The following SORCS1 variants were observed in gnomAD, a reference collection of about 807,000 sequenced individuals.
SORCS1 encodes VPS10 domain-containing receptor SorCS1.
A neutral mutation model predicts 146.1 loss-of-function variants in SORCS1; 60 were observed. That is an observed-to-expected ratio of 0.41 (90% CI 0.33 to 0.51). The LOEUF is 0.51. Among genes scored for constraint, SORCS1 ranks in the 20% least tolerant of loss-of-function variants. The pLI, the probability that SORCS1 is intolerant of heterozygous loss-of-function variation, is 0.21. For missense variants in SORCS1, 1,352 were observed against 1,487.6 expected, an observed-to-expected ratio of 0.91 and a Z score of 1.50; for synonymous variants, 637 against 584.0, an observed-to-expected ratio of 1.09 and a Z score of -1.31.
intron 20 of SORCS1, among the ~76,000 whole-genome samples, chr10:106,619,646 T>A (rs1304190797): frequency 6.6e-6 from 1 of 152,214 alleles, no homozygotes; most frequent in African/African-American, 2.4e-5. Flanking sequence ...CAGCCTGGTG[T>A]AGAGGAAAGA....
At chr10:106,842,871 C>T (rs1256676055) in intron 2 of SORCS1, among the ~76,000 whole-genome samples, 1 of 152,118 alleles carries the variant, frequency 6.6e-6, no homozygotes, top group East Asian at 1.9e-4. Flanking sequence ...CCTCAGCCTC[C>T]CAAAGTGCTG....
rs938736519 is a variant in SORCS1 at position 106,624,202 on chromosome 10, G to A, written c.2663-3641C>T. 2.0e-5 allele frequency among the ~76,000 whole-genome samples: 3 copies of A among 152,126 alleles called. No homozygotes were observed. The East Asian group carries it at 5.8e-4, about 29-fold the overall frequency. On this transcript the variant is annotated intron_variant, in intron 19 of 25. Coordinates refer to ENST00000263054, the MANE Select transcript of SORCS1 (RefSeq NM_052918.5). ...AGCAACCTGAATAAAGTGAAAGACA[G>A]CACCAAGTATCAATTTTGAAAGCTC...
intron 4 of SORCS1, among the ~76,000 whole-genome samples, chr10:106,767,095 A>G (rs1589833700): frequency 6.6e-6 from 1 of 152,202 alleles, no homozygotes; most frequent in African/African-American, 2.4e-5. Context: ...AATCTTACCA[A>G]TACTTGTGGG....
intron 1 of SORCS1, among the ~76,000 whole-genome samples, chr10:107,115,801 G>A (rs1816440354): frequency 6.6e-6 from 1 of 151,920 alleles, no homozygotes; most frequent in Admixed American, 6.6e-5. Flanking sequence ...AACCTACCTA[G>A]TGAAAAGGCA....
intron 3 of SORCS1, among the ~76,000 whole-genome samples, chr10:106,825,178 C>A (rs748781008): frequency 2.0e-5 from 3 of 151,560 alleles, no homozygotes; most frequent in East Asian, 1.9e-4. Flanking sequence ...AAAGGTATGG[C>A]TGATAAAGAC....
chr10:106,974,207 A>C (rs1449517480), intron 1 of SORCS1, among the ~76,000 whole-genome samples: 1 of 152,234 alleles, frequency 6.6e-6, no homozygotes. Context: ...GCAACAAAAC[A>C]ATGAGTTCTA....
chr10:107,095,890 A>C (rs1964516348), intron 1 of SORCS1, among the ~76,000 whole-genome samples: 2 of 152,240 alleles, frequency 1.3e-5, no homozygotes, highest in African/African-American at 4.8e-5. Flanking sequence ...CCCTGCTTAC[A>C]ATAAACCTAT....
intron 3 of SORCS1, among the ~76,000 whole-genome samples, chr10:106,821,306 A>G (rs1948010872): frequency 6.6e-6 from 1 of 152,204 alleles, no homozygotes; most frequent in South Asian, 2.1e-4. Flanking sequence ...GATAGAGTCT[A>G]TTTTTTAATG....
rs1304135027 is a variant in SORCS1 at position 106,575,122 on chromosome 10, A to C, written c.*2298T>G. ...AGTGAGCCTCTTTTGATTTTCCAAC[A>C]CTTTGTCTTCCACATTAAATTTGGG... On this transcript the variant is annotated 3_prime_UTR_variant, in exon 26 of 26. Transcript: ENST00000263054. 1 of 152,546 alleles carries C rather than the reference A, an allele frequency of 6.6e-6. No homozygotes were observed. The allele number at this position is 152,546 out of a possible 1,614,324, so 9.4% of individuals were successfully genotyped here.
intron 2 of SORCS1, among the ~76,000 whole-genome samples, chr10:106,922,550 G>A (rs565934622): frequency 1.1e-3 from 170 of 152,204 alleles, no homozygotes; most frequent in Non-Finnish European, 2.1e-3. Flanking sequence ...GGTAGCTTTA[G>A]GTTCACAGCA....
At chr10:106,974,037 T>C (rs2139252683) in intron 1 of SORCS1, among the ~76,000 whole-genome samples, 1 of 152,222 alleles carries the variant, frequency 6.6e-6, no homozygotes, top group South Asian at 2.1e-4. Context: ...GGCTTTTTCT[T>C]CCATTTACAA....
chr10:106,673,073 T>C lies in SORCS1; in HGVS notation c.1941-88A>G, dbSNP rs373727634. The C allele has an allele frequency of 1.7e-4, 158 of 938,398 alleles. 1 individual carries two copies. Among genetic ancestry groups the C allele is most frequent in the South Asian group, 1.3e-3 (88 of 67,886 alleles). 58.1% of individuals were successfully genotyped at this position (938,398 alleles called of 1,614,324 possible). A position where few individuals can be genotyped will look rare whatever the true frequency, so the allele number is the denominator to read the frequency against. On this transcript the variant is annotated intron_variant, in intron 14 of 25. Transcript: ENST00000263054. Reference sequence around the variant, plus strand: ...GAGAGCATTTGTGGGGCGTTCACCCTGAGCTAAGCACATTACATGAATCAT... The same window carrying C: ...GAGAGCATTTGTGGGGCGTTCACCCCGAGCTAAGCACATTACATGAATCAT...
At chr10:107,106,417 C>G (rs1227660665) in intron 1 of SORCS1, among the ~76,000 whole-genome samples, 1 of 152,158 alleles carries the variant, frequency 6.6e-6, no homozygotes, top group Non-Finnish European at 1.5e-5. Flanking sequence ...TATTAAATGC[C>G]TTTTATTTTG....
At chr10:106,839,276 A>G (rs995518610) in intron 2 of SORCS1, among the ~76,000 whole-genome samples, 1 of 152,222 alleles carries the variant, frequency 6.6e-6, no homozygotes, top group Non-Finnish European at 1.5e-5. Flanking sequence ...AAGAAAATTA[A>G]AAGTGTTACT....
chr10:107,056,275 A>G (rs1454624655), intron 1 of SORCS1, among the ~76,000 whole-genome samples: 1 of 152,172 alleles, frequency 6.6e-6, no homozygotes, highest in Non-Finnish European at 1.5e-5. Flanking sequence ...GAGATTCTAA[A>G]CTATCACTAT....
At chr10:106,972,781 A>G (rs547172572) in intron 1 of SORCS1, among the ~76,000 whole-genome samples, 1 of 152,320 alleles carries the variant, frequency 6.6e-6, no homozygotes, top group Admixed American at 6.5e-5. Flanking sequence ...AGATGCAGGT[A>G]GGGACCTTTT....
intron 1 of SORCS1, among the ~76,000 whole-genome samples, chr10:107,104,288 T>C (rs760100967): frequency 1.3e-5 from 2 of 152,230 alleles, no homozygotes; most frequent in African/African-American, 4.8e-5. Flanking sequence ...TTTAATCCTC[T>C]TCCGCTGAAT....
chr10:106,825,123 A>G (rs1948235945), intron 3 of SORCS1, among the ~76,000 whole-genome samples: 1 of 152,134 alleles, frequency 6.6e-6, no homozygotes, highest in Non-Finnish European at 1.5e-5. Context: ...ATGTTACACG[A>G]TCCTTGTGAA....
intron 2 of SORCS1, among the ~76,000 whole-genome samples, chr10:106,831,065 C>T (rs950441762): frequency 8.6e-5 from 13 of 151,826 alleles, no homozygotes; most frequent in Non-Finnish European, 1.2e-4. Context: ...TGGTGGCAGT[C>T]GTCTATAATC....
Sources: allele counts gnomAD v4.1 joint callset (sites outside exome capture counted in the v4.1 genomes callset), GRCh38; gene constraint gnomAD v4.1.1; transcripts MANE v1.5; gene names NCBI Gene and HGNC (gene_info 2026-07-23, HGNC 2026-07-21).